The following MRAS variants were observed in gnomAD, a reference collection of about 807,000 sequenced individuals.
MRAS encodes muscle RAS oncogene homolog, also known as ras-related protein M-Ras.
MRAS carries 4 observed loss-of-function variants against 20.9 expected under a neutral mutation model. The ratio of observed to expected loss-of-function variants is 0.19; its 90% CI spans 0.09 to 0.44. MRAS has a LOEUF of 0.44. MRAS is among the 20% of genes least tolerant of loss of function. The probability of loss-of-function intolerance (pLI) is 0.99; values close to 1 mark genes in which losing one functional copy is unlikely to be tolerated. For missense variants in MRAS, 154 were observed against 277.5 expected (o/e 0.56, Z 3.16); for synonymous variants, 98 against 102.9 (o/e 0.95, Z 0.29).
At chr3:138,372,775 A>G (rs1483726368) in intron 1 of MRAS, 91 bp from the exon 2 acceptor site, 1 of 902,212 alleles carries the variant, frequency 1.1e-6, no homozygotes, top group Non-Finnish European at 1.6e-6. Context: ...TATAATTGAG[A>G]GTATTACTTT....
At chr3:138,377,153 C>T (rs534762325) in intron 2 of MRAS, among the ~76,000 whole-genome samples, 3 of 152,320 alleles carry the variant, frequency 2.0e-5, no homozygotes, top group African/African-American at 7.2e-5. Context: ...TGCCTGGGCT[C>T]TCCATGGCAT....
intron 1 of MRAS, among the ~76,000 whole-genome samples, chr3:138,363,819 A>AACCCC (rs2054501005): frequency 3.6e-4 from 12 of 32,974 alleles, no homozygotes; most frequent in Admixed American, 7.2e-4. Context: ...TAGAGGATTT[A>AACCCC]CCCCCCCCCC....
chr3:138,395,005 T>G (rs1171028922), intron 2 of MRAS, among the ~76,000 whole-genome samples: 1 of 152,186 alleles, frequency 6.6e-6, no homozygotes, highest in Non-Finnish European at 1.5e-5. Flanking sequence ...TTTCAAGATG[T>G]CCTCTAGAGC....
chr3:138,377,193 C>T (rs1227047794), intron 2 of MRAS, among the ~76,000 whole-genome samples: 1 of 152,234 alleles, frequency 6.6e-6, no homozygotes, highest in Non-Finnish European at 1.5e-5. Context: ...TGTTAAGCTT[C>T]TAATTCTGCC....
At chr3:138,366,232 G>T (rs1433983709) in intron 1 of MRAS, among the ~76,000 whole-genome samples, 5 of 152,176 alleles carry the variant, frequency 3.3e-5, no homozygotes, top group African/African-American at 1.2e-4. Context: ...CACATGGGTT[G>T]GGTCACTCTC....
chr3:138,378,524 CT>C (rs544656624), intron 2 of MRAS, among the ~76,000 whole-genome samples: 360 of 152,308 alleles, frequency 2.4e-3, no homozygotes, highest in Admixed American at 6.3e-3. Flanking sequence ...CTGGTCCCTG[CT>C]TCTCCACTGT....
intron 1 of MRAS, among the ~76,000 whole-genome samples, chr3:138,371,558 A>G (rs1576357423): frequency 6.6e-6 from 1 of 152,132 alleles, no homozygotes. Flanking sequence ...TTTCCCAGTC[A>G]CACGTACACC....
At chr3:138,352,610 T>C (rs947679418) in intron 1 of MRAS, among the ~76,000 whole-genome samples, 4 of 152,188 alleles carry the variant, frequency 2.6e-5, no homozygotes, top group Non-Finnish European at 5.9e-5. Context: ...GACTGCTGCA[T>C]GACAATGTGG....
At chr3:138,395,656 T>C (rs1373159366) in intron 2 of MRAS, among the ~76,000 whole-genome samples, 1 of 152,186 alleles carries the variant, frequency 6.6e-6, no homozygotes, top group African/African-American at 2.4e-5. Flanking sequence ...CCAGTGACCC[T>C]CCAGCCGACT....
chr3:138,375,542 C>G (rs2054766506), intron 2 of MRAS, among the ~76,000 whole-genome samples: 1 of 152,168 alleles, frequency 6.6e-6, no homozygotes, highest in Non-Finnish European at 1.5e-5. Flanking sequence ...CAGGGTCTCG[C>G]TCTGTTACCC....
Position 138,402,638 on chromosome 3 carries a change from C to T in MRAS, c.*369C>T. 1 of 189,974 alleles carries T rather than the reference C, an allele frequency of 5.3e-6. No individual in the cohort carries two copies. Among genetic ancestry groups the T allele is most frequent in the Non-Finnish European group, 1.1e-5 (1 of 92,680 alleles). The allele number at this position is 189,974 out of a possible 1,614,324, so 11.8% of individuals were successfully genotyped here. On this transcript the variant is annotated 3_prime_UTR_variant, in exon 6 of 6. Coordinates refer to ENST00000423968, the MANE Select transcript of MRAS (RefSeq NM_001085049.3). ...TCCACATACAAAGTACAAAACAAGC[C>T]ATGAACAAGCTTCTTTCCCTTACCC...
intron 1 of MRAS, among the ~76,000 whole-genome samples, chr3:138,360,345 C>G (rs2054420881): frequency 6.6e-6 from 1 of 152,218 alleles, no homozygotes; most frequent in South Asian, 2.1e-4. Context: ...TTCTCCTGGG[C>G]TTACCAGATT....
intron 1 of MRAS, among the ~76,000 whole-genome samples, chr3:138,367,952 G>A (rs547719268): frequency 6.6e-6 from 1 of 152,220 alleles, no homozygotes; most frequent in African/African-American, 2.4e-5. Context: ...TTGAGGAAGT[G>A]ATATTGCCTT....
intron 2 of MRAS, among the ~76,000 whole-genome samples, chr3:138,396,702 C>T (rs995993223): frequency 2.0e-5 from 3 of 152,034 alleles, no homozygotes; most frequent in African/African-American, 7.2e-5. Flanking sequence ...GAGCTTCCAG[C>T]CCCAGCCTAG....
chr3:138,382,257 G>T (rs935438268), intron 2 of MRAS, among the ~76,000 whole-genome samples: 1 of 152,200 alleles, frequency 6.6e-6, no homozygotes, highest in African/African-American at 2.4e-5. Context: ...AGTGCTCTCT[G>T]GTAGAAAGCC....
chr3:138,357,411 C>T (rs2054358131), intron 1 of MRAS, among the ~76,000 whole-genome samples: 1 of 152,234 alleles, frequency 6.6e-6, no homozygotes, highest in Non-Finnish European at 1.5e-5. Flanking sequence ...CTATAGCCTC[C>T]TCTTCCATAT....
chr3:138,394,964 G>T (rs564094000), intron 2 of MRAS, among the ~76,000 whole-genome samples: 2 of 152,290 alleles, frequency 1.3e-5, no homozygotes, highest in South Asian at 2.1e-4. Context: ...TTCCAGTCTT[G>T]CTCTGTTTTC....
intron 1 of MRAS, among the ~76,000 whole-genome samples, chr3:138,352,594 G>C (rs1158749067): frequency 6.6e-6 from 1 of 152,012 alleles, no homozygotes. Context: ...AGCTTCACTA[G>C]GTGGGGACTG....
chr3:138,387,420 G>A (rs189697745), intron 2 of MRAS, among the ~76,000 whole-genome samples: 233 of 152,278 alleles, frequency 1.5e-3, no homozygotes, highest in African/African-American at 5.4e-3. Flanking sequence ...TGCCACTGCC[G>A]ACTCCTGCTC....
Sources: gnomAD v4.1 joint callset for allele counts (sites outside exome capture counted in the v4.1 genomes callset) on GRCh38, gnomAD v4.1.1 for gene constraint, MANE v1.5 for transcripts, NCBI Gene and HGNC (gene_info 2026-07-23, HGNC 2026-07-21) for gene names.